QRICH1: variants seen among roughly 807,000 people sequenced by gnomAD.
The protein encoded by QRICH1 is glutamine rich 1.
A neutral mutation model predicts 87.1 loss-of-function variants in QRICH1; 16 were observed. That is an observed-to-expected ratio of 0.18 (90% CI 0.12 to 0.28). The LOEUF (loss-of-function observed/expected upper bound fraction) is 0.28. Among genes scored for constraint, QRICH1 ranks in the 10% least tolerant of loss-of-function variants. The pLI, the probability that QRICH1 is intolerant of heterozygous loss-of-function variation, is 1.00. For synonymous variants in QRICH1, 367 were observed against 368.4 expected (o/e 1.00, Z 0.05); for missense variants, 647 against 951.7 (o/e 0.68, Z 4.21).
At chr3:49,084,506 G>A (rs547141050) in intron 1 of QRICH1, among the ~76,000 whole-genome samples, 2 of 151,876 alleles carry the variant, frequency 1.3e-5, no homozygotes, top group Admixed American at 6.6e-5. Flanking sequence ...CCACAGCATC[G>A]GTCTCCCAAA....
At chr3:49,077,222 AC>A (rs745354865) in intron 1 of QRICH1, among the ~76,000 whole-genome samples, 184 bp from the exon 2 acceptor site, 1 of 152,158 alleles carries the variant, frequency 6.6e-6, no homozygotes, top group Non-Finnish European at 1.5e-5. Flanking sequence ...ATTTCTATTA[AC>A]ATTTCTTAAA....
rs780261963 is a variant in QRICH1, at chr3:49,047,083, A to C, written c.1502T>G (p.Leu501Trp). ...AAGACACTCACTCCCAATGGGTGCC[A>C]ATCTGTTCTGAGCATCCTTCTCTAG... ...AELEKDAQNR[L>W]APIGRRQLLR... The change falls in exon 4 of 10, where the codon TTG (leucine) becomes TGG (tryptophan). Residue 501 changes from leucine to tryptophan, a missense_variant. Leu to Trp is a moderately conservative substitution (Grantham distance 61). Around this residue, in one of 7 missense-constraint regions of QRICH1, gnomAD observed 187 missense variants for 309.5 expected, o/e 0.60. Coordinates refer to ENST00000395443, the MANE Select transcript of QRICH1 (RefSeq NM_198880.3). The C allele has an allele frequency of 1.2e-6, 2 of 1,613,616 alleles. No homozygotes were observed. The highest frequency in any genetic ancestry group is 3.3e-5 in the Admixed American group (2 of 59,968).
At chr3:49,036,155 G>A (rs1215547591) in intron 6 of QRICH1, among the ~76,000 whole-genome samples, 1 of 152,078 alleles carries the variant, frequency 6.6e-6, no homozygotes, top group Non-Finnish European at 1.5e-5. Flanking sequence ...TCCTAGCATG[G>A]AAGTAAGGGG....
chr3:49,074,744 C>T (rs1407522740), intron 2 of QRICH1, among the ~76,000 whole-genome samples: 1 of 151,708 alleles, frequency 6.6e-6, no homozygotes, highest in Non-Finnish European at 1.5e-5. Flanking sequence ...TTTGGGAGGC[C>T]GAGGCAGGTG....
chr3:49,093,938 G>GCCGCCT lies in QRICH1; in HGVS notation c.-54_-49dup. 8.7e-6 allele frequency: 3 copies of GCCGCCT among 344,740 alleles called. No homozygotes were observed. Among genetic ancestry groups the GCCGCCT allele is most frequent in the Non-Finnish European group, 1.6e-5 (3 of 193,548 alleles). The allele number at this position is 344,740 out of a possible 1,614,324, so 21.4% of individuals were successfully genotyped here. A position where few individuals can be genotyped will look rare whatever the true frequency, so the allele number is the denominator to read the frequency against. ...CGGCGACGTCACTGCCGCCGCCGCC[G>GCCGCCT]CCGCCTCCGCTGCACCCGCCGGCCC... On this transcript the variant is annotated 5_prime_UTR_variant, in exon 1 of 10. Transcript: ENST00000395443.
At chr3:49,078,897 G>C (rs2042004375) in intron 1 of QRICH1, among the ~76,000 whole-genome samples, 2 of 150,952 alleles carry the variant, frequency 1.3e-5, no homozygotes, top group African/African-American at 4.9e-5. Flanking sequence ...TTGCCATGTT[G>C]GCCTGGCTGG....
intron 1 of QRICH1, among the ~76,000 whole-genome samples, chr3:49,079,748 G>A (rs530581238): frequency 1.2e-4 from 19 of 152,156 alleles, no homozygotes; most frequent in Admixed American, 1.2e-3. Context: ...GCATCTTTCA[G>A]CCCAGTGCGG....
chr3:49,090,078 G>T (rs749794257), intron 1 of QRICH1, among the ~76,000 whole-genome samples: 103 of 152,220 alleles, frequency 6.8e-4, no homozygotes, highest in Non-Finnish European at 2.1e-4. Context: ...ACTTTGGGAG[G>T]CCAAGGTAGG....
At chr3:49,080,284 C>T (rs941769514) in intron 1 of QRICH1, among the ~76,000 whole-genome samples, 3 of 152,058 alleles carry the variant, frequency 2.0e-5, no homozygotes, top group African/African-American at 7.2e-5. Flanking sequence ...GTTGCATTCA[C>T]ATAATATACT....
At chr3:49,043,095 G>A (rs1559928588) in intron 6 of QRICH1, among the ~76,000 whole-genome samples, 1 of 152,090 alleles carries the variant, frequency 6.6e-6, no homozygotes, top group Non-Finnish European at 1.5e-5. Flanking sequence ...AACGCAACAT[G>A]TTATTGATAG....
chr3:49,040,862 C>G (rs1353978933), intron 6 of QRICH1, among the ~76,000 whole-genome samples: 1 of 152,214 alleles, frequency 6.6e-6, no homozygotes, highest in Non-Finnish European at 1.5e-5. Flanking sequence ...TACTCCCTAT[C>G]TGTGTCAGCA....
chr3:49,037,843 A>T (rs538067421), intron 6 of QRICH1, among the ~76,000 whole-genome samples: 1 of 147,164 alleles, frequency 6.8e-6, no homozygotes, highest in East Asian at 2.1e-4. Flanking sequence ...GCTGGGTGTG[A>T]TGGTGCGCGC....
intron 2 of QRICH1, among the ~76,000 whole-genome samples, chr3:49,060,344 C>T (rs2093427667): frequency 6.6e-6 from 1 of 151,348 alleles, no homozygotes; most frequent in Non-Finnish European, 1.5e-5. Flanking sequence ...CAGGCACCCG[C>T]CACCACGACT....
At chr3:49,068,064 AAAATG>A (rs2093478429) in intron 2 of QRICH1, among the ~76,000 whole-genome samples, 1 of 152,236 alleles carries the variant, frequency 6.6e-6, no homozygotes, top group Admixed American at 6.5e-5. Context: ...ACTTGAAATT[AAAATG>A]AAATGAGGTG....
intron 3 of QRICH1, among the ~76,000 whole-genome samples, chr3:49,050,726 A>T (rs1321643992): frequency 1.3e-5 from 2 of 151,044 alleles, no homozygotes; most frequent in Non-Finnish European, 2.9e-5. Context: ...AACAACAAAA[A>T]CCTATTACTC....
At chr3:49,084,939 G>C (rs1377357782) in intron 1 of QRICH1, among the ~76,000 whole-genome samples, 1 of 152,024 alleles carries the variant, frequency 6.6e-6, no homozygotes. Context: ...TCAGGAGATC[G>C]AGACCATCCT....
intron 9 of QRICH1, 55 bp from the exon 10 acceptor site, chr3:49,030,699 AC>A: frequency 7.1e-7 from 1 of 1,410,396 alleles, no homozygotes; most frequent in Non-Finnish European, 9.6e-7. Flanking sequence ...CAACCCTCCC[AC>A]CCTGAACTTC....
intron 5 of QRICH1, among the ~76,000 whole-genome samples, chr3:49,044,804 T>C (rs1224281827): frequency 1.3e-5 from 2 of 152,206 alleles, no homozygotes; most frequent in Non-Finnish European, 2.9e-5. Flanking sequence ...TTCCATTAGA[T>C]ATTGTATAAG....
chr3:49,032,542 C>A, intron 8 of QRICH1, 80 bp downstream of exon 8: 1 of 1,449,418 alleles, frequency 6.9e-7, no homozygotes, highest in Non-Finnish European at 9.3e-7. Flanking sequence ...TTACACTTAT[C>A]ACTAGCCTCA....
Sources: gnomAD v4.1 joint callset for allele counts (sites outside exome capture counted in the v4.1 genomes callset) on GRCh38, gnomAD v4.1.1 for gene constraint, gnomAD v4.1.1 regional missense constraint, MANE v1.5 for transcripts, NCBI Gene and HGNC (gene_info 2026-07-23, HGNC 2026-07-21) for gene names.